The following SEMA3A variants were observed in gnomAD, a reference collection of about 807,000 sequenced individuals.
SEMA3A encodes semaphorin-3A.
SEMA3A carries 29 observed loss-of-function variants against 97.9 expected under a neutral mutation model. The observed-to-expected ratio is 0.30, with a 90% CI of 0.22 to 0.40. The LOEUF (loss-of-function observed/expected upper bound fraction) is 0.40. Among genes scored for constraint, SEMA3A ranks in the 10% least tolerant of loss-of-function variants. SEMA3A has a pLI of 1.00. For missense variants in SEMA3A, 763 were observed against 951.3 expected, an observed-to-expected ratio of 0.80 and a Z score of 2.60; for synonymous variants, 321 against 323.7, an observed-to-expected ratio of 0.99 and a Z score of 0.09.
chr7:84,381,134 T>A (rs1803248175), intron 1 of SEMA3A, among the ~76,000 whole-genome samples: 1 of 152,180 alleles, frequency 6.6e-6, no homozygotes, highest in African/African-American at 2.4e-5. Flanking sequence ...TTTTCCATAT[T>A]TTAAAACATT....
intron 2 of SEMA3A, among the ~76,000 whole-genome samples, chr7:84,356,595 A>G (rs1376677405): frequency 1.3e-5 from 2 of 151,876 alleles, no homozygotes; most frequent in African/African-American, 4.8e-5. Context: ...CCGAATCATT[A>G]TGAAATCCAA....
At chr7:83,961,909 T>C in intron 16 of SEMA3A, 83 bp from the exon 17 acceptor site, 1 of 1,072,150 alleles carries the variant, frequency 9.3e-7, no homozygotes, top group Non-Finnish European at 1.3e-6. Context: ...TGTAAAACTT[T>C]AGATTATGTG....
chr7:84,441,389 A>AAT (rs926274733), intron 1 of SEMA3A, among the ~76,000 whole-genome samples: 5 of 151,846 alleles, frequency 3.3e-5, no homozygotes, highest in Admixed American at 1.3e-4. Flanking sequence ...GGAGCTTCAA[A>AAT]ATATAATAAC....
chr7:84,208,420 C>G (rs1388738239), intron 3 of SEMA3A, among the ~76,000 whole-genome samples: 3 of 54,580 alleles, frequency 5.5e-5, no homozygotes, highest in Non-Finnish European at 1.6e-4. Context: ...CCACTGCAGT[C>G]CAGCCTGGGT....
intron 2 of SEMA3A, among the ~76,000 whole-genome samples, chr7:84,369,372 G>A (rs1448100741): frequency 2.0e-5 from 3 of 150,834 alleles, no homozygotes; most frequent in African/African-American, 4.8e-5. Context: ...GGAATTCAAC[G>A]TACTTTTTTT....
At chr7:84,359,792 A>C (rs1022954849) in intron 2 of SEMA3A, among the ~76,000 whole-genome samples, 10 of 152,220 alleles carry the variant, frequency 6.6e-5, no homozygotes, top group African/African-American at 2.4e-4. Context: ...TTGGTAAGCT[A>C]TTAATTATTG....
At chr7:84,450,688 A>G (rs1291670113) in intron 1 of SEMA3A, among the ~76,000 whole-genome samples, 2 of 152,130 alleles carry the variant, frequency 1.3e-5, no homozygotes, top group Admixed American at 6.5e-5. Context: ...ATTGTACTAG[A>G]CCTAAAAAAT....
rs58826908 is a variant in SEMA3A, at chr7:84,229,984, C to G, written c.-82-35316G>C. Among the ~76,000 whole-genome samples the G allele has an allele frequency of 2.6e-3, 402 of 152,106 alleles. 1 individual carries two copies. The highest frequency in any genetic ancestry group is 9.1e-3 in the African/African-American group (376 of 41,526). On this transcript the variant is annotated intron_variant, in intron 3 of 3. Transcript: ENST00000424555. ...TGGGACTGGCTCTGATCTTACCCCC[C>G]CTTTACTCTACTCAGTTCTCTTCAG...
chr7:84,440,312 A>G (rs1805240386), intron 1 of SEMA3A, among the ~76,000 whole-genome samples: 1 of 152,134 alleles, frequency 6.6e-6, no homozygotes, highest in South Asian at 2.1e-4. Context: ...CCAATCTTCC[A>G]CCCCTCAGCA....
chr7:84,230,922 C>T (rs1799102642), intron 3 of SEMA3A, among the ~76,000 whole-genome samples: 1 of 151,916 alleles, frequency 6.6e-6, no homozygotes, highest in African/African-American at 2.4e-5. Flanking sequence ...TGTTAGCAGT[C>T]TGTCCCAGTT....
chr7:84,115,467 T>C (rs1419003728), intron 3 of SEMA3A, among the ~76,000 whole-genome samples: 1 of 152,094 alleles, frequency 6.6e-6, no homozygotes, highest in Non-Finnish European at 1.5e-5. Context: ...CTAGGCACTA[T>C]AGACCATGCT....
intron 1 of SEMA3A, among the ~76,000 whole-genome samples, chr7:84,400,226 A>G (rs1803863688): frequency 6.6e-6 from 1 of 152,166 alleles, no homozygotes; most frequent in African/African-American, 2.4e-5. Flanking sequence ...CAATGCCCAG[A>G]CATCAATGAA....
intron 1 of SEMA3A, among the ~76,000 whole-genome samples, chr7:84,453,286 A>T (rs960649219): frequency 1.4e-5 from 2 of 145,268 alleles, no homozygotes; most frequent in Non-Finnish European, 3.0e-5. Flanking sequence ...CCCAGGCTGG[A>T]GTGCAGTGGC....
At chr7:84,398,672 G>A (rs1803807372) in intron 1 of SEMA3A, among the ~76,000 whole-genome samples, 1 of 151,852 alleles carries the variant, frequency 6.6e-6, no homozygotes, top group African/African-American at 2.4e-5. Context: ...GCCAAACCTG[G>A]TGGCATGTGC....
At position 84,376,464 on chromosome 7, in the gene SEMA3A, C is replaced by T. The variant is rs1428315914; in HGVS notation, c.-245-4564G>A. Among the ~76,000 whole-genome samples the T allele has an allele frequency of 2.8e-5, 4 of 142,130 alleles. 1 individual carries two copies. The highest frequency in any genetic ancestry group is 1.5e-4 in the Admixed American group (2 of 13,666). 93.2% of individuals were successfully genotyped at this position (142,130 alleles called of 152,430 possible). On this transcript the variant is annotated intron_variant, in intron 1 of 3. Coordinates refer to the SEMA3A transcript ENST00000424555. ...AAAAAACACAAAAAAATTAGCCGGGCGTGGTGGCGGGCGCCTGTAGTCCCA... is the reference window on the plus strand; with the variant it reads ...AAAAAACACAAAAAAATTAGCCGGGTGTGGTGGCGGGCGCCTGTAGTCCCA...
chr7:84,243,741 T>C (rs1185362237), intron 3 of SEMA3A, among the ~76,000 whole-genome samples: 1 of 151,970 alleles, frequency 6.6e-6, no homozygotes, highest in Non-Finnish European at 1.5e-5. Context: ...CATTTAGTGC[T>C]ATAAATTTCC....
At chr7:83,981,056 T>C (rs1789394061) in intron 14 of SEMA3A, among the ~76,000 whole-genome samples, 5 of 152,158 alleles carry the variant, frequency 3.3e-5, no homozygotes, top group African/African-American at 4.8e-5. Context: ...TAGAAGAACA[T>C]GTTTGGAAAA....
intron 6 of SEMA3A, among the ~76,000 whole-genome samples, chr7:84,028,120 T>C (rs1791613412): frequency 6.6e-6 from 1 of 152,118 alleles, no homozygotes; most frequent in Admixed American, 6.5e-5. Context: ...AGAGGAGTGA[T>C]TGGAGAGACA....
intron 6 of SEMA3A, among the ~76,000 whole-genome samples, chr7:84,027,787 C>A (rs1375243805): frequency 6.6e-6 from 1 of 152,092 alleles, no homozygotes; most frequent in African/African-American, 2.4e-5. Flanking sequence ...ACATCTCTGT[C>A]TTGAGTTCTC....
Sources: allele counts gnomAD v4.1 joint callset (sites outside exome capture counted in the v4.1 genomes callset), GRCh38; gene constraint gnomAD v4.1.1; transcripts MANE v1.5; gene names NCBI Gene and HGNC (gene_info 2026-07-23, HGNC 2026-07-21).